The following CHN2 variants were observed in gnomAD, a reference collection of about 807,000 sequenced individuals.
CHN2 encodes the protein beta-chimaerin.
In CHN2, 35 loss-of-function variants were observed where a neutral mutation model predicts 56.3. The observed-to-expected ratio is 0.62, with a 90% CI of 0.47 to 0.82. CHN2 has a LOEUF of 0.82. CHN2 is among the 40% of genes least tolerant of loss of function. CHN2 has a pLI of 0.00. For missense variants in CHN2, 491 were observed against 580.5 expected, an observed-to-expected ratio of 0.85 and a Z score of 1.58; for synonymous variants, 210 against 212.8, an observed-to-expected ratio of 0.99 and a Z score of 0.12.
intron 7 of CHN2, among the ~76,000 whole-genome samples, chr7:29,489,605 T>C (rs1173864316): frequency 1.3e-5 from 2 of 152,172 alleles, no homozygotes; most frequent in Non-Finnish European, 2.9e-5. Context: ...AAATAAACAA[T>C]GGCCCATCAC....
At chr7:29,495,911 A>C in intron 7 of CHN2, 41 bp from the exon 8 acceptor site, 1 of 1,566,482 alleles carries the variant, frequency 6.4e-7, no homozygotes, top group South Asian at 1.1e-5. Flanking sequence ...CCTTTAAATG[A>C]CTCTGAGCTT....
At chr7:29,479,476 G>T (rs1242317976) in intron 6 of CHN2, among the ~76,000 whole-genome samples, 1 of 152,098 alleles carries the variant, frequency 6.6e-6, no homozygotes, top group Non-Finnish European at 1.5e-5. Flanking sequence ...TATCCCATTT[G>T]GTGCTCAGAC....
intron 6 of CHN2, among the ~76,000 whole-genome samples, chr7:29,405,152 CTT>C: frequency 7.2e-6 from 1 of 138,104 alleles, no homozygotes; most frequent in Non-Finnish European, 1.6e-5. Context: ...GTATGGAGTG[CTT>C]ATGTCACCAT....
At chr7:29,482,567 C>G (rs1372616804) in intron 7 of CHN2, among the ~76,000 whole-genome samples, 1 of 151,936 alleles carries the variant, frequency 6.6e-6, no homozygotes, top group Non-Finnish European at 1.5e-5. Context: ...ATCCTAGGTC[C>G]CTGCCATCTG....
chr7:29,301,646 A>G (rs542500800), intron 1 of CHN2, among the ~76,000 whole-genome samples: 106 of 152,238 alleles, frequency 7.0e-4, no homozygotes, highest in South Asian at 1.9e-3. Flanking sequence ...AAGTTTCTTA[A>G]CATCTCTCTG....
chr7:29,203,852 T>C (rs553369385), intron 1 of CHN2, among the ~76,000 whole-genome samples: 124 of 152,360 alleles, frequency 8.1e-4, no homozygotes, highest in African/African-American at 2.7e-3. Flanking sequence ...ATAGTGACTT[T>C]CAAGTGAAGT....
chr7:29,352,889 A>G (rs1022247019), intron 1 of CHN2, among the ~76,000 whole-genome samples: 11 of 152,238 alleles, frequency 7.2e-5, no homozygotes, highest in African/African-American at 2.4e-4. Context: ...ACTCATGTTA[A>G]CCCATTGAAA....
At chr7:29,249,354 C>T (rs557187086) in intron 1 of CHN2, among the ~76,000 whole-genome samples, 1 of 152,280 alleles carries the variant, frequency 6.6e-6, no homozygotes, top group East Asian at 1.9e-4. Context: ...AAGAGTGTGT[C>T]CCAGCTCCAG....
chr7:29,253,350 G>T (rs1388796037), intron 1 of CHN2, among the ~76,000 whole-genome samples: 1 of 152,208 alleles, frequency 6.6e-6, no homozygotes, highest in African/African-American at 2.4e-5. Context: ...AGGAGGAAGA[G>T]GTGGCTCATG....
At position 29,435,848 on chromosome 7, in the gene CHN2, GAAAAA is replaced by G. The variant is rs539300440; in HGVS notation, c.576+35024_576+35028del. Among the ~76,000 whole-genome samples the G allele has an allele frequency of 2.6e-4, 37 of 143,932 alleles. No homozygotes were observed. In the South Asian group the frequency reaches 6.3e-3, roughly 25 times the overall value. The allele number at this position is 143,932 out of a possible 152,430, so 94.4% of individuals were successfully genotyped here. Reference sequence around the variant, plus strand: ...GCAGCCAAATAAATCATTAAGCTGAGAAAAAAAATTATGCACACTTCTCTAAATCC... The same window carrying G: ...GCAGCCAAATAAATCATTAAGCTGAGAAATTATGCACACTTCTCTAAATCC... On this transcript the variant is annotated intron_variant, in intron 6 of 12. Transcript: ENST00000222792.
chr7:29,489,557 T>C (rs1263560093), intron 7 of CHN2, among the ~76,000 whole-genome samples: 1 of 152,204 alleles, frequency 6.6e-6, no homozygotes, highest in Non-Finnish European at 1.5e-5. Context: ...ATTGTCCTTG[T>C]GGATCCAAAA....
At chr7:29,273,388 T>TACATACAC (rs1554387340) in intron 1 of CHN2, among the ~76,000 whole-genome samples, 59 of 41,880 alleles carry the variant, frequency 1.4e-3, no homozygotes, top group African/African-American at 6.5e-3. Flanking sequence ...TATATATATA[T>TACATACAC]ACACACACCA....
At chr7:29,370,620 A>G (rs1395464096) in intron 3 of CHN2, among the ~76,000 whole-genome samples, 1 of 151,976 alleles carries the variant, frequency 6.6e-6, no homozygotes, top group African/African-American at 2.4e-5. Flanking sequence ...TGTTTCTCTG[A>G]TGACTCATAC....
chr7:29,366,940 T>C (rs1799211162), intron 2 of CHN2, among the ~76,000 whole-genome samples: 1 of 152,226 alleles, frequency 6.6e-6, no homozygotes, highest in South Asian at 2.1e-4. Flanking sequence ...GACCTAAAAA[T>C]AGATCAGAAA....
chr7:29,512,828 C>A lies in CHN2; in HGVS notation c.*93C>A. ...ATTTCTTACCACTTGATTTGTTTTC[C>A]AAGCAAGTGCTAGAATTTCCTGGAC... On this transcript the variant is annotated 3_prime_UTR_variant, in exon 13 of 13. Transcript: ENST00000222792. 1 of 1,397,980 alleles carries A rather than the reference C, an allele frequency of 7.2e-7. No homozygotes were observed. 86.6% of individuals were successfully genotyped at this position (1,397,980 alleles called of 1,614,324 possible). A position where few individuals can be genotyped will look rare whatever the true frequency, so the allele number is the denominator to read the frequency against.
At chr7:29,210,687 TAAAGC>T (rs1784846782) in intron 1 of CHN2, among the ~76,000 whole-genome samples, 1 of 151,886 alleles carries the variant, frequency 6.6e-6, no homozygotes, top group Admixed American at 6.6e-5. Context: ...TGGAGAAAAA[TAAAGC>T]AGGAAGGGAG....
intron 2 of CHN2, among the ~76,000 whole-genome samples, chr7:29,155,066 C>G (rs1359989265): frequency 6.6e-6 from 1 of 152,100 alleles, no homozygotes; most frequent in African/African-American, 2.4e-5. Context: ...GACTTATTCA[C>G]TGTCAGGAGA....
At chr7:29,225,745 C>T (rs964475312) in intron 1 of CHN2, among the ~76,000 whole-genome samples, 8 of 152,114 alleles carry the variant, frequency 5.3e-5, no homozygotes, top group African/African-American at 1.9e-4. Flanking sequence ...CACTTTGAGA[C>T]CCTTTTTTGA....
intron 1 of CHN2, among the ~76,000 whole-genome samples, chr7:29,271,119 G>A (rs1017176876): frequency 1.2e-4 from 19 of 152,158 alleles, no homozygotes; most frequent in African/African-American, 4.6e-4. Context: ...TGGAAGAAGT[G>A]AGAGGAAGTG....
Sources: allele counts gnomAD v4.1 joint callset (sites outside exome capture counted in the v4.1 genomes callset), GRCh38; gene constraint gnomAD v4.1.1; transcripts MANE v1.5; gene names NCBI Gene and HGNC (gene_info 2026-07-23, HGNC 2026-07-21).